The following LEKR1 variants were observed in gnomAD, a reference collection of about 807,000 sequenced individuals.
LEKR1 encodes protein LEKR1.
LEKR1 carries 59 observed loss-of-function variants against 72.4 expected under a neutral mutation model. That is an observed-to-expected ratio of 0.82 (90% CI 0.66 to 1.01). The LOEUF (loss-of-function observed/expected upper bound fraction) is 1.01, where lower values mean the gene tolerates loss of function less well. Among genes scored for constraint, LEKR1 ranks in the 50% least tolerant of loss-of-function variants. The probability of loss-of-function intolerance (pLI) is 0.00; values close to 1 mark genes in which losing one functional copy is unlikely to be tolerated. For missense variants in LEKR1, 728 were observed against 759.2 expected, an observed-to-expected ratio of 0.96 and a Z score of 0.48; for synonymous variants, 257 against 263.2, an observed-to-expected ratio of 0.98 and a Z score of 0.23.
intron 3 of LEKR1, among the ~76,000 whole-genome samples, chr3:156,871,095 A>G (rs1465114405): frequency 6.6e-6 from 1 of 151,724 alleles, no homozygotes; most frequent in Admixed American, 6.6e-5. Context: ...TCCCAATGCT[A>G]TCTCTCCCCC....
intron 3 of LEKR1, among the ~76,000 whole-genome samples, chr3:156,854,042 A>C (rs1254851048): frequency 6.6e-6 from 1 of 151,480 alleles, no homozygotes; most frequent in Admixed American, 6.6e-5. Context: ...CCTGCTGATT[A>C]TACTATTACT....
chr3:157,017,231 G>T (rs1013209415), intron 10 of LEKR1: 5 of 152,210 alleles, frequency 3.3e-5, no homozygotes, highest in African/African-American at 4.8e-5. Flanking sequence ...TAGTCTGTGG[G>T]CCGTAGTTGG....
Position 157,021,461 on chromosome 3 carries a change from G to A in LEKR1, c.1204-3299G>A, listed in dbSNP as rs145577610. Among the ~76,000 whole-genome samples, 865 of 152,176 alleles carry A rather than the reference G, an allele frequency of 5.7e-3. 4 individuals carry two copies. Among genetic ancestry groups the A allele is most frequent in the African/African-American group, 0.02 (813 of 41,516 alleles). ...CATCTTGAATTAATTTTTGTATAAG[G>A]TGTAAGGAAGGGATCCAGTTTCAGC... On this transcript the variant is annotated intron_variant, in intron 10 of 12. Transcript: ENST00000356539.
chr3:157,001,874 A>G (rs1443693906), intron 9 of LEKR1, among the ~76,000 whole-genome samples: 2 of 152,194 alleles, frequency 1.3e-5, no homozygotes, highest in Non-Finnish European at 2.9e-5. Context: ...ATATCCCCAG[A>G]GAATAAAACA....
chr3:156,956,678 A>G (rs1209575971), intron 6 of LEKR1, among the ~76,000 whole-genome samples: 2 of 152,054 alleles, frequency 1.3e-5, no homozygotes, highest in African/African-American at 4.8e-5. Context: ...AAAGAGTAAC[A>G]CTGACAGAAT....
chr3:157,024,897 G>C lies in LEKR1; in HGVS notation c.1341G>C (p.Lys447Asn). The change falls in exon 11 of 13, where the codon AAG (lysine) becomes AAC (asparagine). Residue 447 changes from lysine to asparagine, a missense_variant. Coordinates refer to ENST00000356539, the MANE Select transcript of LEKR1 (RefSeq NM_001004316.3). ...ACCAAGATGTAATCCAAAAGTATAA[G>C]AAAGAACAAGAGGAACTACAAATGA... is the stretch of plus-strand genomic sequence containing the variant. ...EKHQDVIQKY[K>N]KEQEELQMKI... 6.3e-7 allele frequency: 1 copy of C among 1,596,618 alleles called. No individual in the cohort carries two copies. The highest frequency in any genetic ancestry group is 8.5e-7 in the Non-Finnish European group (1 of 1,170,654).
intron 10 of LEKR1, among the ~76,000 whole-genome samples, chr3:157,023,220 C>T (rs527813635): frequency 3.9e-5 from 6 of 152,232 alleles, no homozygotes; most frequent in African/African-American, 1.4e-4. Flanking sequence ...AATCCTGGCA[C>T]AGTATAAATC....
At chr3:156,900,482 A>T (rs1721918574) in intron 3 of LEKR1, among the ~76,000 whole-genome samples, 1 of 152,158 alleles carries the variant, frequency 6.6e-6, no homozygotes, top group Admixed American at 6.5e-5. Context: ...AACTAAGGTG[A>T]TTTTTGTGAA....
intron 12 of LEKR1, among the ~76,000 whole-genome samples, chr3:157,042,153 AG>A (rs113326087): frequency 0.038 from 5,812 of 152,302 alleles, 337 homozygotes; most frequent in African/African-American, 0.12. Context: ...AGATATTGTG[AG>A]GTTCACCTAA....
intron 4 of LEKR1, among the ~76,000 whole-genome samples, chr3:156,921,697 A>G (rs1271362229): frequency 6.6e-6 from 1 of 152,112 alleles, no homozygotes; most frequent in Non-Finnish European, 1.5e-5. Context: ...TGGCTTCTGT[A>G]ATAGCTTTGG....
Position 156,852,800 on chromosome 3 carries a change from T to G in LEKR1, c.81T>G (p.Cys27Trp). The G allele has an allele frequency of 6.5e-7, 1 of 1,533,924 alleles. No homozygotes were observed. The highest frequency in any genetic ancestry group is 8.7e-7 in the Non-Finnish European group (1 of 1,145,198). ...CTGAAGAAAAAGTTTGTAAGTACTG[T>G]GGAGTCAGCTATCTAATTCTTCATG... Reference protein sequence around the residue: ...MLPEEKVCKYCGVSYLILHEF... With the variant: ...MLPEEKVCKYWGVSYLILHEF... Residue 27 changes from cysteine (C) to tryptophan (W), a missense_variant, in exon 3 of 13, where the codon TGT becomes TGG. Cys to Trp is a radical substitution (Grantham distance 215). Coordinates refer to ENST00000356539, the MANE Select transcript of LEKR1 (RefSeq NM_001004316.3).
chr3:156,969,174 A>G (rs374683069), intron 6 of LEKR1, among the ~76,000 whole-genome samples: 2 of 152,116 alleles, frequency 1.3e-5, no homozygotes, highest in East Asian at 3.8e-4. Flanking sequence ...AGAGAAAGCA[A>G]GAAAGATCTA....
At chr3:156,887,716 G>A (rs1268702789) in intron 3 of LEKR1, among the ~76,000 whole-genome samples, 4 of 151,766 alleles carry the variant, frequency 2.6e-5, no homozygotes, top group Admixed American at 6.6e-5. Context: ...TTTTATTAGC[G>A]CTCAAAAAAT....
chr3:156,864,297 C>T (rs1438470380), intron 3 of LEKR1, among the ~76,000 whole-genome samples: 4 of 151,986 alleles, frequency 2.6e-5, no homozygotes, highest in Non-Finnish European at 2.9e-5. Flanking sequence ...ATCCTTCCAT[C>T]GTATCAGCTG....
At chr3:157,024,581 G>A (rs1307828852) in intron 10 of LEKR1, among the ~76,000 whole-genome samples, 179 bp from the exon 11 acceptor site, 1 of 152,038 alleles carries the variant, frequency 6.6e-6, no homozygotes, top group East Asian at 1.9e-4. Flanking sequence ...TTTGGCACAA[G>A]GTCAATTTTT....
At chr3:156,835,397 G>A (rs1053364002) in intron 2 of LEKR1, among the ~76,000 whole-genome samples, 2 of 152,168 alleles carry the variant, frequency 1.3e-5, no homozygotes, top group Admixed American at 6.5e-5. Flanking sequence ...CAGCTTCCAG[G>A]GCCTGACAGG....
intron 2 of LEKR1, among the ~76,000 whole-genome samples, chr3:156,839,026 A>G (rs957611616): frequency 1.3e-5 from 2 of 152,218 alleles, no homozygotes; most frequent in East Asian, 3.8e-4. Context: ...TATTCTGGAA[A>G]AAAAAAGGAC....
chr3:156,884,419 C>T (rs563194671), intron 3 of LEKR1, among the ~76,000 whole-genome samples: 15 of 152,090 alleles, frequency 9.9e-5, no homozygotes, highest in African/African-American at 2.7e-4. Context: ...GTATATTTCA[C>T]GGTTTTGTTT....
chr3:156,977,217 T>C (rs1729772015), intron 6 of LEKR1, among the ~76,000 whole-genome samples: 1 of 152,198 alleles, frequency 6.6e-6, no homozygotes. Context: ...ATACAGAGCC[T>C]AGGGATCCTG....
Sources: gnomAD v4.1 joint callset for allele counts (sites outside exome capture counted in the v4.1 genomes callset) on GRCh38, gnomAD v4.1.1 for gene constraint, MANE v1.5 for transcripts, NCBI Gene and HGNC (gene_info 2026-07-23, HGNC 2026-07-21) for gene names.